Variants in SEH1L observed in about 807,000 individuals in gnomAD.
The protein encoded by SEH1L is nucleoporin SEH1.
SEH1L carries 18 observed loss-of-function variants against 49.5 expected under a neutral mutation model. The observed-to-expected ratio is 0.36, with a 90% CI of 0.25 to 0.54. The LOEUF (loss-of-function observed/expected upper bound fraction) is 0.54. Among genes scored for constraint, SEH1L ranks in the 20% least tolerant of loss-of-function variants. The pLI, the probability that SEH1L is intolerant of heterozygous loss-of-function variation, is 0.87. For synonymous variants in SEH1L, 169 were observed against 178.1 expected, an observed-to-expected ratio of 0.95 and a Z score of 0.41; for missense variants, 404 against 528.8, an observed-to-expected ratio of 0.76 and a Z score of 2.31.
At position 12,948,433 on chromosome 18, in the gene SEH1L, C is replaced by T. The variant is rs573073162; in HGVS notation, c.111+201C>T. The T allele has an allele frequency of 7.9e-5, 36 of 456,334 alleles. No individual in the cohort carries two copies. The East Asian group carries it at 1.4e-3, about 17-fold the overall frequency. The allele number at this position is 456,334 out of a possible 1,614,324, so 28.3% of individuals were successfully genotyped here. ...ACGGCGGCCTCGCGGGCCGCCCTCC[C>T]GTGCGCCTGCGCAGCTGGTGCCACG... On this transcript the variant is annotated intron_variant, in intron 1 of 8. Transcript: ENST00000399892.
Position 12,958,064 on chromosome 18 carries a change from CTTTTTTTTTTTTTTTT to C in SEH1L, c.309+2477_309+2492del, listed in dbSNP as rs57733399. Among the ~76,000 whole-genome samples, 11 of 62,046 alleles carry C rather than the reference CTTTTTTTTTTTTTTTT, an allele frequency of 1.8e-4. No homozygotes were observed. In the South Asian group the frequency reaches 2.3e-3, roughly 13 times the overall value. The allele number at this position is 62,046 out of a possible 152,430, so 40.7% of individuals were successfully genotyped here. A position where few individuals can be genotyped will look rare whatever the true frequency, so the allele number is the denominator to read the frequency against. On this transcript the variant is annotated intron_variant, in intron 3 of 8. Coordinates refer to ENST00000399892, the MANE Select transcript of SEH1L (RefSeq NM_001013437.2). ...TATAACATAATATTCCTCATTTTAA[CTTTTTTTTTTTTTTTT>C]TTTTTTTTTTTTTTTTTTTTTGAGA...
chr18:12,976,800 T>G (rs562140409), intron 5 of SEH1L: 1 of 151,300 alleles, frequency 6.6e-6, no homozygotes, highest in African/African-American at 2.4e-5. Flanking sequence ...CTGTCTCTAC[T>G]AAAAAATACA....
At chr18:12,958,175 C>T (rs576585772) in intron 3 of SEH1L, among the ~76,000 whole-genome samples, 12 of 141,340 alleles carry the variant, frequency 8.5e-5, no homozygotes, top group East Asian at 2.1e-4. Context: ...TCTCCGCCTC[C>T]GGGGTTCAAG....
intron 6 of SEH1L, among the ~76,000 whole-genome samples, chr18:12,981,192 C>G (rs902973323): frequency 2.0e-5 from 3 of 151,334 alleles, no homozygotes; most frequent in African/African-American, 7.3e-5. Flanking sequence ...GGATGGCGGC[C>G]GGGCAGAGAC....
At chr18:12,967,621 ATGAAAGCC>A (rs1383343010) in intron 4 of SEH1L, among the ~76,000 whole-genome samples, 1 of 152,178 alleles carries the variant, frequency 6.6e-6, no homozygotes, top group Non-Finnish European at 1.5e-5. Context: ...ATGAATGACC[ATGAAAGCC>A]TGGGCCGGGC....
intron 4 of SEH1L, among the ~76,000 whole-genome samples, chr18:12,965,116 G>A (rs940620794): frequency 1.4e-4 from 21 of 145,432 alleles, no homozygotes; most frequent in Admixed American, 2.9e-4. Context: ...TGGTTCAAGC[G>A]ATTCCCCTGC....
intron 8 of SEH1L, chr18:12,986,616 A>G: frequency 9.1e-7 from 1 of 1,103,530 alleles, no homozygotes; most frequent in Non-Finnish European, 1.1e-6. Flanking sequence ...TTTAAGTTTA[A>G]CAGATTGTAT....
At chr18:12,983,562 G>GT (rs1238266884) in intron 7 of SEH1L, among the ~76,000 whole-genome samples, 1 of 152,076 alleles carries the variant, frequency 6.6e-6, no homozygotes, top group Non-Finnish European at 1.5e-5. Context: ...AAACTAATAA[G>GT]GCCATTTTGG....
At chr18:12,975,131 C>G (rs1449290908) in intron 5 of SEH1L, among the ~76,000 whole-genome samples, 1 of 151,718 alleles carries the variant, frequency 6.6e-6, no homozygotes, top group African/African-American at 2.4e-5. Flanking sequence ...TAGCTGGGAT[C>G]ACAGGCATGT....
intron 4 of SEH1L, among the ~76,000 whole-genome samples, chr18:12,966,202 C>T (rs1014837309): frequency 4.0e-5 from 6 of 150,832 alleles, no homozygotes; most frequent in Admixed American, 6.6e-5. Context: ...AAGAGATTCT[C>T]CTGCCTCAGC....
chr18:12,953,942 G>C (rs1204425480), intron 2 of SEH1L, among the ~76,000 whole-genome samples: 1 of 152,026 alleles, frequency 6.6e-6, no homozygotes, highest in African/African-American at 2.4e-5. Flanking sequence ...GAGCATCTTT[G>C]TGCAAACCTT....
Position 12,948,145 on chromosome 18 carries a change from G to T in SEH1L, c.24G>T (p.Ala8=), listed in dbSNP as rs370505862. The change falls in exon 1 of 9, where the codon GCG becomes GCT. Residue 8 remains alanine, a synonymous_variant. Transcript: ENST00000399892. The stretch of plus-strand genomic sequence containing the variant: ...CCATGTTTGTGGCTCGCAGCATCGC[G>T]GCGGACCACAAGGATCTCATCCACG... The part of the protein sequence containing the change: MFVARSI[A]ADHKDLIHDV... The T allele has an allele frequency of 1.2e-6, 2 of 1,609,144 alleles. No individual in the cohort carries two copies. Among genetic ancestry groups the T allele is most frequent in the Non-Finnish European group, 1.7e-6 (2 of 1,178,692 alleles).
chr18:12,948,112 G>A lies in SEH1L; in HGVS notation c.-10G>A, dbSNP rs752197144. On this transcript the variant is annotated 5_prime_UTR_variant, in exon 1 of 9. Transcript: ENST00000399892. ...CTGTCCTCTTCGGAGGCGCGGGCCCGACGGAAACCATGTTTGTGGCTCGCA... is the reference window on the plus strand; with the variant it reads ...CTGTCCTCTTCGGAGGCGCGGGCCCAACGGAAACCATGTTTGTGGCTCGCA... 1.1e-4 allele frequency: 181 copies of A among 1,606,614 alleles called. No homozygotes were observed. The highest frequency in any genetic ancestry group is 1.5e-4 in the Non-Finnish European group (175 of 1,176,176).
In SEH1L at chr18:12,986,814, C is replaced by G; in HGVS notation, c.1071-48C>G. The G allele has an allele frequency of 1.6e-5, 15 of 913,688 alleles. No individual in the cohort carries two copies. In the East Asian group the frequency reaches 1.9e-4, roughly 11 times the overall value. The allele number at this position is 913,688 out of a possible 1,614,324, so 56.6% of individuals were successfully genotyped here. A position where few individuals can be genotyped will look rare whatever the true frequency, so the allele number is the denominator to read the frequency against. On this transcript the variant is annotated intron_variant, in intron 8 of 8. Coordinates refer to ENST00000399892, the MANE Select transcript of SEH1L (RefSeq NM_001013437.2). The stretch of plus-strand genomic sequence containing the variant: ...TCTCTTTTTCTTGTGTTTTTTTTTT[C>G]CTGTTTTTGTTTTGTTTGGTGTTTT...
intron 2 of SEH1L, among the ~76,000 whole-genome samples, chr18:12,953,002 G>A (rs2030638728): frequency 1.3e-5 from 2 of 151,874 alleles, no homozygotes; most frequent in South Asian, 2.1e-4. Flanking sequence ...GGCTGGTCTC[G>A]AACTCCTGAC....
At position 12,984,106 on chromosome 18, in the gene SEH1L, G is replaced by C. The variant is rs747624219; in HGVS notation, c.986G>C (p.Ser329Thr). The change falls in exon 8 of 9, where the codon AGT becomes ACT. Residue 329 changes from serine to threonine, a missense_variant. Ser to Thr is a moderately conservative substitution (Grantham distance 58, BLOSUM62 1). Around this residue, in one of 3 missense-constraint regions of SEH1L, gnomAD observed 342 missense variants for 430.8 expected, o/e 0.79. Transcript: ENST00000399892. The stretch of plus-strand genomic sequence containing the variant: ...GGTAATGGGAGCCCAGTCAATGGGA[G>C]TTCTCAGCAGGGAACCTCAAATCCT... The part of the protein sequence containing the change: ...LKGNGSPVNG[S>T]SQQGTSNPSL... 1 of 1,613,528 alleles carries C rather than the reference G, an allele frequency of 6.2e-7. No homozygotes were observed. Among genetic ancestry groups the C allele is most frequent in the Non-Finnish European group, 8.5e-7 (1 of 1,179,538 alleles).
At chr18:12,980,413 C>T (rs1295969615) in intron 6 of SEH1L, among the ~76,000 whole-genome samples, 5 of 97,092 alleles carry the variant, frequency 5.1e-5, no homozygotes, top group African/African-American at 1.3e-4. Context: ...GCTGGCCGGG[C>T]GGGGGGCTGA....
chr18:12,980,913 G>T (rs1319909736), intron 6 of SEH1L, among the ~76,000 whole-genome samples: 2 of 149,904 alleles, frequency 1.3e-5, no homozygotes, highest in Admixed American at 1.3e-4. Flanking sequence ...GGCTGGCCGG[G>T]CGGGGGGCTG....
chr18:12,971,066 TTGTC>T (rs1193810698), intron 4 of SEH1L, 83 bp from the exon 5 acceptor site: 2 of 887,172 alleles, frequency 2.3e-6, no homozygotes, highest in Non-Finnish European at 3.8e-6. Context: ...TGTAAGCTGG[TTGTC>T]TGCTTGCCTC....
Sources: gnomAD v4.1 joint callset for allele counts (sites outside exome capture counted in the v4.1 genomes callset) on GRCh38, gnomAD v4.1.1 for gene constraint, gnomAD v4.1.1 regional missense constraint, MANE v1.5 for transcripts, NCBI Gene and HGNC (gene_info 2026-07-23, HGNC 2026-07-21) for gene names.